Variants in NALF1 observed in about 807,000 individuals in gnomAD.
The protein encoded by NALF1 is NALCN channel auxiliary factor 1, also known as family with sequence similarity 155 member A.
A neutral mutation model predicts 48.4 loss-of-function variants in NALF1; 3 were observed. The observed-to-expected ratio is 0.06, with a 90% CI of 0.03 to 0.16. NALF1 has a LOEUF of 0.16. Ranked by LOEUF, NALF1 falls within the 10% of genes least tolerant of loss-of-function variation. The pLI is 1.00. For synonymous variants in NALF1, 262 were observed against 245.7 expected (o/e 1.07, Z -0.62); for missense variants, 526 against 571.5 (o/e 0.92, Z 0.81).
chr13:107,420,282 GC>G (rs1801746361), intron 1 of NALF1, among the ~76,000 whole-genome samples: 1 of 152,120 alleles, frequency 6.6e-6, no homozygotes, highest in African/African-American at 2.4e-5. Flanking sequence ...TTGTTTTAAA[GC>G]CAAACTTTAG....
chr13:107,612,076 GGAGTGGGGGGGA>G, intron 1 of NALF1, among the ~76,000 whole-genome samples: 2 of 79,022 alleles, frequency 2.5e-5, no homozygotes, highest in Non-Finnish European at 5.2e-5. Flanking sequence ...GGGAGAGAGG[GGAGTGGGGGGGA>G]GAGAGGGGAG....
chr13:107,797,969 A>G (rs1878484699), intron 1 of NALF1, among the ~76,000 whole-genome samples: 1 of 152,218 alleles, frequency 6.6e-6, no homozygotes, highest in African/African-American at 2.4e-5. Context: ...TTTGAAAGCA[A>G]TTTGAACCAA....
chr13:107,692,639 A>C (rs1881592985), intron 1 of NALF1, among the ~76,000 whole-genome samples: 1 of 152,216 alleles, frequency 6.6e-6, no homozygotes, highest in Non-Finnish European at 1.5e-5. Flanking sequence ...ATCATAATCA[A>C]ATAAAAATGT....
Position 107,447,363 on chromosome 13 carries a change from G to A in NALF1, c.916-236608C>T, listed in dbSNP as rs1884667622. On this transcript the variant is annotated intron_variant, in intron 1 of 2. Transcript: ENST00000375915. ...CTGAAAGTCCTGACCACCTACAGGT[G>A]TTGTTACATTCTTAATTCCATCTCT... Among the ~76,000 whole-genome samples, 5 of 152,270 alleles carry A rather than the reference G, an allele frequency of 3.3e-5. No individual in the cohort carries two copies. The South Asian group carries it at 1.0e-3, about 32-fold the overall frequency.
chr13:107,434,772 G>T lies in NALF1; in HGVS notation c.916-224017C>A, dbSNP rs143053839. Among the ~76,000 whole-genome samples, 9 of 152,288 alleles carry T rather than the reference G, an allele frequency of 5.9e-5. No individual in the cohort carries two copies. The South Asian group carries it at 8.3e-4, about 14-fold the overall frequency. On this transcript the variant is annotated intron_variant, in intron 1 of 2. Transcript: ENST00000375915. ...ATTTGCCCCATTTTGCAAATGCAGA[G>T]AATATTTTATCTCTAAGAATCCCTG...
At chr13:107,214,208 C>T (rs1430670239) in intron 1 of NALF1, among the ~76,000 whole-genome samples, 1 of 152,086 alleles carries the variant, frequency 6.6e-6, no homozygotes, top group African/African-American at 2.4e-5. Context: ...GAAGTTTTTG[C>T]AGGAAGGGGT....
At chr13:107,818,714 T>C (rs1018458240) in intron 1 of NALF1, among the ~76,000 whole-genome samples, 14 of 148,586 alleles carry the variant, frequency 9.4e-5, no homozygotes, top group African/African-American at 5.1e-5. Flanking sequence ...CTACTAAAAA[T>C]ACAAAAAATT....
chr13:107,375,835 G>A (rs548619093), intron 1 of NALF1, among the ~76,000 whole-genome samples: 1 of 152,042 alleles, frequency 6.6e-6, no homozygotes, highest in African/African-American at 2.4e-5. Flanking sequence ...AGTAGTATTG[G>A]GAAACAAGGA....
At chr13:107,181,119 G>A (rs563950237) in intron 2 of NALF1, among the ~76,000 whole-genome samples, 3 of 151,322 alleles carry the variant, frequency 2.0e-5, no homozygotes, top group African/African-American at 7.3e-5. Context: ...GATTAGACTT[G>A]AAAGGTTTCT....
At chr13:107,471,971 A>G (rs2139053226) in intron 1 of NALF1, among the ~76,000 whole-genome samples, 1 of 152,338 alleles carries the variant, frequency 6.6e-6, no homozygotes, top group South Asian at 2.1e-4. Flanking sequence ...ATCCCTGTGA[A>G]CTTACCAACA....
intron 1 of NALF1, among the ~76,000 whole-genome samples, chr13:107,444,924 T>C (rs1884622611): frequency 6.6e-6 from 1 of 152,216 alleles, no homozygotes; most frequent in Admixed American, 6.5e-5. Flanking sequence ...AGAAATTTTT[T>C]TTATATTTTG....
chr13:107,205,155 C>T lies in NALF1; in HGVS notation c.1087+5429G>A, dbSNP rs1042437056. ...ATATCTCCCAATGCTATCCCTCCCC[C>T]TTTCCCCCCACCCCACAACAGTCCC... On this transcript the variant is annotated intron_variant, in intron 2 of 2. Transcript: ENST00000375915. Among the ~76,000 whole-genome samples the T allele has an allele frequency of 3.9e-5, 6 of 151,980 alleles. 1 individual carries two copies. Among genetic ancestry groups the T allele is most frequent in the African/African-American group, 1.5e-4 (6 of 41,364 alleles).
chr13:107,208,401 G>A (rs1291694236), intron 2 of NALF1, among the ~76,000 whole-genome samples: 1 of 152,150 alleles, frequency 6.6e-6, no homozygotes, highest in Admixed American at 6.5e-5. Flanking sequence ...TGGATTCTCT[G>A]CCCATGTTGT....
At chr13:107,364,668 G>C (rs1241786403) in intron 1 of NALF1, among the ~76,000 whole-genome samples, 1 of 152,150 alleles carries the variant, frequency 6.6e-6, no homozygotes, top group African/African-American at 2.4e-5. Context: ...ACAGTAAAAT[G>C]TGGTTTTAAG....
At chr13:107,325,123 A>T (rs948364700) in intron 1 of NALF1, among the ~76,000 whole-genome samples, 3 of 152,202 alleles carry the variant, frequency 2.0e-5, no homozygotes, top group Non-Finnish European at 2.9e-5. Flanking sequence ...TTAACATATG[A>T]TTTATTTTTC....
chr13:107,533,200 G>A (rs1446779548), intron 1 of NALF1, among the ~76,000 whole-genome samples: 1 of 152,058 alleles, frequency 6.6e-6, no homozygotes, highest in African/African-American at 2.4e-5. Context: ...TGTTTGTAAA[G>A]TGACTGTTAG....
chr13:107,781,765 T>C (rs1339388584), intron 1 of NALF1, among the ~76,000 whole-genome samples: 1 of 152,100 alleles, frequency 6.6e-6, no homozygotes, highest in Non-Finnish European at 1.5e-5. Flanking sequence ...CTCTATTCTT[T>C]GACGTTAATT....
intron 1 of NALF1, among the ~76,000 whole-genome samples, chr13:107,635,649 T>C (rs536779204): frequency 1.3e-5 from 2 of 152,240 alleles, no homozygotes; most frequent in African/African-American, 4.8e-5. Flanking sequence ...AATTCCTCCA[T>C]CCATAAAATG....
chr13:107,558,436 T>C (rs1877545670), intron 1 of NALF1, among the ~76,000 whole-genome samples: 1 of 152,210 alleles, frequency 6.6e-6, no homozygotes, highest in African/African-American at 2.4e-5. Context: ...TGCTAAAATT[T>C]ATCCCCAAAT....
Sources: gnomAD v4.1 joint callset for allele counts (sites outside exome capture counted in the v4.1 genomes callset) on GRCh38, gnomAD v4.1.1 for gene constraint, MANE v1.5 for transcripts, NCBI Gene and HGNC (gene_info 2026-07-23, HGNC 2026-07-21) for gene names.